ACOT13: variants seen among roughly 807,000 people sequenced by gnomAD.
ACOT13 encodes the protein acyl-coenzyme A thioesterase 13.
A neutral mutation model predicts 11.8 loss-of-function variants in ACOT13; 10 were observed. The observed-to-expected ratio is 0.85, with a 90% confidence interval of 0.53 to 1.44. The LOEUF is 1.44. Ranked by LOEUF, ACOT13 falls within the 40% of genes most tolerant of loss-of-function variation. ACOT13 has a pLI of 0.00. For synonymous variants in ACOT13, 53 were observed against 61.0 expected (o/e 0.87, Z 0.61); for missense variants, 172 against 174.1 (o/e 0.99, Z 0.07).
rs1389449524 is a variant in ACOT13 at position 24,703,626 on chromosome 6, C to T, written c.*2011C>T. 1 of 152,194 alleles carries T rather than the reference C, an allele frequency of 6.6e-6. No homozygotes were observed. The highest frequency in any genetic ancestry group is 1.5e-5 in the Non-Finnish European group (1 of 68,034). 9.4% of individuals were successfully genotyped at this position (152,194 alleles called of 1,614,324 possible). The stretch of plus-strand genomic sequence containing the variant: ...CAACAAATGCTGTAAATGGACAAAG[C>T]ATTAGATTTGGAAAATCACTATTTT... On this transcript the variant is annotated 3_prime_UTR_variant, in exon 3 of 3. Transcript: ENST00000230048.
Position 24,701,613 on chromosome 6 carries a change from TGA to T in ACOT13, c.*3_*4del. 1 of 1,608,242 alleles carries T rather than the reference TGA, an allele frequency of 6.2e-7. No individual in the cohort carries two copies. Among genetic ancestry groups the T allele is most frequent in the Non-Finnish European group, 8.5e-7 (1 of 1,176,660 alleles). ...QGRHTKHLGN[*>X] ...AAGACACACAAAACACCTGGGAAAC[TGA>T]GAGAACAGCAGAATGACCTAAAGAA... On this transcript the variant is annotated frameshift_variant and stop_lost, in exon 3 of 3. Transcript: ENST00000230048. LOFTEE classifies it high-confidence loss of function.
intron 2 of ACOT13, 150 bp downstream of exon 2, chr6:24,698,217 C>A: frequency 1.4e-6 from 1 of 722,362 alleles, no homozygotes; most frequent in Non-Finnish European, 2.1e-6. Context: ...CTAAAATATT[C>A]CAGCCTTAAA....
rs758322852 is a variant in ACOT13 at position 24,701,618 on chromosome 6, G to T, written c.*3G>T. ...ACACAAAACACCTGGGAAACTGAGA[G>T]AACAGCAGAATGACCTAAAGAAACC... On this transcript the variant is annotated 3_prime_UTR_variant, in exon 3 of 3. Coordinates refer to ENST00000230048, the MANE Select transcript of ACOT13 (RefSeq NM_018473.4). 9 of 1,604,274 alleles carry T rather than the reference G, an allele frequency of 5.6e-6. No homozygotes were observed. Among genetic ancestry groups the T allele is most frequent in the Middle Eastern group, 1.7e-4 (1 of 6,016 alleles).
chr6:24,695,887 A>ATC (rs1778787964), intron 1 of ACOT13, among the ~76,000 whole-genome samples: 1 of 152,066 alleles, frequency 6.6e-6, no homozygotes, highest in Admixed American at 6.6e-5. Context: ...GTGAAACCTC[A>ATC]TCTCTCCTAA....
chr6:24,692,971 G>C (rs1778741389), intron 1 of ACOT13, among the ~76,000 whole-genome samples: 1 of 152,128 alleles, frequency 6.6e-6, no homozygotes, highest in African/African-American at 2.4e-5. Flanking sequence ...TACCTTTCTA[G>C]AGCCCCTTGA....
chr6:24,671,545 G>C (rs1348116097), intron 1 of ACOT13, among the ~76,000 whole-genome samples: 2 of 152,052 alleles, frequency 1.3e-5, no homozygotes, highest in East Asian at 1.9e-4. Context: ...AAACCAACAT[G>C]GCACATGTAT....
intron 1 of ACOT13, among the ~76,000 whole-genome samples, chr6:24,673,371 T>A (rs529994777): frequency 6.6e-6 from 1 of 152,218 alleles, no homozygotes; most frequent in East Asian, 1.9e-4. Context: ...TCTTATAATT[T>A]TTTTTTTGAA....
chr6:24,701,673 TCAAA>T lies in ACOT13; in HGVS notation c.*62_*65del. On this transcript the variant is annotated 3_prime_UTR_variant, in exon 3 of 3. Transcript: ENST00000230048. ...AATGAATATCAAGTATAGATTTGACTCAAACAATTGTAATTTTTGAAATAAACTA... is the reference window on the plus strand; with the variant it reads ...AATGAATATCAAGTATAGATTTGACTCAATTGTAATTTTTGAAATAAACTA... The T allele has an allele frequency of 1.4e-6, 2 of 1,468,558 alleles. No homozygotes were observed. The highest frequency in any genetic ancestry group is 9.1e-7 in the Non-Finnish European group (1 of 1,096,842). 91.0% of individuals were successfully genotyped at this position (1,468,558 alleles called of 1,614,324 possible). A position where few individuals can be genotyped will look rare whatever the true frequency, so the allele number is the denominator to read the frequency against.
intron 1 of ACOT13, among the ~76,000 whole-genome samples, chr6:24,668,488 TG>T (rs1461354397): frequency 1.3e-5 from 2 of 152,206 alleles, no homozygotes; most frequent in Admixed American, 6.5e-5. Flanking sequence ...CCCGAAGTGC[TG>T]GGATTACAGG....
intron 1 of ACOT13, among the ~76,000 whole-genome samples, chr6:24,667,921 T>C (rs1778288791): frequency 6.6e-6 from 1 of 152,172 alleles, no homozygotes; most frequent in South Asian, 2.1e-4. Flanking sequence ...TTTGTTTTTT[T>C]AGGATGAGGT....
chr6:24,686,967 C>G (rs1002109806), intron 1 of ACOT13, among the ~76,000 whole-genome samples: 1 of 152,192 alleles, frequency 6.6e-6, no homozygotes, highest in African/African-American at 2.4e-5. Flanking sequence ...GGGCACCAAA[C>G]CATTCGTGAG....
At chr6:24,676,999 T>C (rs1252573931) in intron 1 of ACOT13, among the ~76,000 whole-genome samples, 2 of 152,222 alleles carry the variant, frequency 1.3e-5, no homozygotes, top group Non-Finnish European at 2.9e-5. Flanking sequence ...CTAATTCTAG[T>C]GCCCGAGTGA....
chr6:24,691,480 A>G (rs1422361868), intron 1 of ACOT13, among the ~76,000 whole-genome samples: 1 of 152,186 alleles, frequency 6.6e-6, no homozygotes, highest in Non-Finnish European at 1.5e-5. Context: ...TAATTGCTAT[A>G]AAGGAAAATA....
intron 1 of ACOT13, among the ~76,000 whole-genome samples, chr6:24,686,851 G>A (rs1259753690): frequency 1.3e-5 from 2 of 152,054 alleles, no homozygotes; most frequent in Admixed American, 6.6e-5. Flanking sequence ...ACAGGGGCGT[G>A]CCACCATCTC....
chr6:24,671,315 A>T (rs1008810308), intron 1 of ACOT13, among the ~76,000 whole-genome samples: 1 of 152,188 alleles, frequency 6.6e-6, no homozygotes, highest in African/African-American at 2.4e-5. Context: ...CTTTGTAGGG[A>T]CATGGATGAA....
intron 1 of ACOT13, among the ~76,000 whole-genome samples, chr6:24,680,792 A>C: frequency 6.6e-6 from 1 of 152,220 alleles, no homozygotes; most frequent in South Asian, 2.1e-4. Flanking sequence ...AATTCGTTTC[A>C]GAGAGGTGTA....
chr6:24,673,562 C>T (rs1488642458), intron 1 of ACOT13, among the ~76,000 whole-genome samples: 1 of 152,066 alleles, frequency 6.6e-6, no homozygotes, highest in Non-Finnish European at 1.5e-5. Context: ...GGTGTCACTA[C>T]GTTGGCCGGG....
chr6:24,698,937 C>T (rs563545780), intron 2 of ACOT13, among the ~76,000 whole-genome samples: 69 of 152,158 alleles, frequency 4.5e-4, no homozygotes, highest in Non-Finnish European at 8.5e-4. Flanking sequence ...TCCTGGATCT[C>T]TCCCTGTGAC....
chr6:24,667,482 AATG>A, intron 1 of ACOT13, 138 bp downstream of exon 1: 1 of 760,276 alleles, frequency 1.3e-6, no homozygotes. Context: ...CCTTAGTAAT[AATG>A]ATTATTACTT....
Sources: gnomAD v4.1 joint callset for allele counts (sites outside exome capture counted in the v4.1 genomes callset) on GRCh38, gnomAD v4.1.1 for gene constraint, MANE v1.5 for transcripts, NCBI Gene and HGNC (gene_info 2026-07-23, HGNC 2026-07-21) for gene names.